Variants in ULK4 observed in about 807,000 individuals in gnomAD.
ULK4 encodes the protein unc-51 like kinase 4.
In ULK4, 133 loss-of-function variants were observed where a neutral mutation model predicts 160.6. That is an observed-to-expected ratio of 0.83 (90% CI 0.72 to 0.96). The LOEUF (loss-of-function observed/expected upper bound fraction) is 0.96. Among genes scored for constraint, ULK4 ranks in the 40% least tolerant of loss-of-function variants. The pLI is 0.00. For missense variants in ULK4, 1,580 were observed against 1,499.5 expected, an observed-to-expected ratio of 1.05 and a Z score of -0.89; for synonymous variants, 534 against 539.8, an observed-to-expected ratio of 0.99 and a Z score of 0.15.
intron 17 of ULK4, among the ~76,000 whole-genome samples, chr3:41,843,609 C>G (rs1039952969): frequency 2.0e-5 from 3 of 152,070 alleles, no homozygotes; most frequent in African/African-American, 7.2e-5. Context: ...CCTGGTCTCC[C>G]TGGCTTCAGG....
At chr3:41,256,533 A>G (rs918704086) in intron 35 of ULK4, among the ~76,000 whole-genome samples, 1 of 152,244 alleles carries the variant, frequency 6.6e-6, no homozygotes, top group Non-Finnish European at 1.5e-5. Flanking sequence ...GGATGCGCAT[A>G]TGCATAAACA....
intron 22 of ULK4, among the ~76,000 whole-genome samples, chr3:41,735,641 C>G (rs1377876443): frequency 6.6e-6 from 1 of 151,644 alleles, no homozygotes; most frequent in African/African-American, 2.4e-5. Context: ...TACAGAGAGT[C>G]AAAACACTAC....
chr3:41,316,934 G>C (rs189300289), intron 35 of ULK4, among the ~76,000 whole-genome samples: 48 of 151,482 alleles, frequency 3.2e-4, no homozygotes, highest in African/African-American at 1.0e-3. Flanking sequence ...CTAGACTTTT[G>C]CTCTCTATTC....
chr3:41,620,336 T>C (rs1356860481), intron 30 of ULK4, among the ~76,000 whole-genome samples: 2 of 152,080 alleles, frequency 1.3e-5, no homozygotes, highest in East Asian at 1.9e-4. Flanking sequence ...CAGGTCAATA[T>C]CCCTGATGAA....
intron 12 of ULK4, among the ~76,000 whole-genome samples, chr3:41,906,755 G>A (rs1003477892): frequency 9.2e-5 from 14 of 152,204 alleles, no homozygotes; most frequent in African/African-American, 3.4e-4. Context: ...AGCACTATGG[G>A]AGGCCGAGGC....
At chr3:41,576,613 C>T (rs2088197527) in intron 31 of ULK4, among the ~76,000 whole-genome samples, 1 of 152,170 alleles carries the variant, frequency 6.6e-6, no homozygotes, top group East Asian at 1.9e-4. Context: ...AATTGATAAA[C>T]ATTTATTGAG....
chr3:41,786,826 T>C (rs1275253060), intron 21 of ULK4, among the ~76,000 whole-genome samples: 1 of 151,796 alleles, frequency 6.6e-6, no homozygotes, highest in Non-Finnish European at 1.5e-5. Context: ...AAAACAAATA[T>C]AAGATGACAG....
chr3:41,423,490 G>A (rs1247704245), intron 34 of ULK4, among the ~76,000 whole-genome samples: 1 of 152,084 alleles, frequency 6.6e-6, no homozygotes, highest in Non-Finnish European at 1.5e-5. Context: ...TAATAATAGA[G>A]CATCGTGGTT....
chr3:41,893,816 A>G (rs2148783837), intron 16 of ULK4, among the ~76,000 whole-genome samples: 1 of 152,288 alleles, frequency 6.6e-6, no homozygotes, highest in East Asian at 1.9e-4. Flanking sequence ...AATTTTTTAT[A>G]TACAAAACAA....
intron 31 of ULK4, among the ~76,000 whole-genome samples, chr3:41,609,089 C>T (rs2032528563): frequency 6.6e-6 from 1 of 152,078 alleles, no homozygotes; most frequent in Admixed American, 6.6e-5. Context: ...ACATGTAACA[C>T]ATTCTTAATA....
chr3:41,610,062 G>C (rs996925820), intron 31 of ULK4, among the ~76,000 whole-genome samples: 5 of 150,940 alleles, frequency 3.3e-5, no homozygotes, highest in African/African-American at 1.2e-4. Flanking sequence ...TGTCACCCAG[G>C]CTGGAATGCA....
intron 30 of ULK4, among the ~76,000 whole-genome samples, chr3:41,642,493 T>C (rs2034262125): frequency 6.6e-6 from 1 of 152,178 alleles, no homozygotes; most frequent in Admixed American, 6.5e-5. Flanking sequence ...TCCAATTTCA[T>C]CCATGTCCCT....
chr3:41,484,287 C>T (rs9834867), intron 32 of ULK4, among the ~76,000 whole-genome samples: 67,560 of 151,538 alleles, frequency 0.45, 15,628 homozygotes, highest in African/African-American at 0.56. Flanking sequence ...CTATATTTAC[C>T]ATATTGTTTT....
At chr3:41,721,279 T>TTTTTTTTTTTTTTTTTTTTTTTGG (rs67078043) in intron 22 of ULK4, among the ~76,000 whole-genome samples, 1 of 98,920 alleles carries the variant, frequency 1.0e-5, no homozygotes, top group African/African-American at 4.4e-5. Flanking sequence ...TTTTTTTTTT[T>TTTTTTTTTTTTTTTTTTTTTTTGG]TTTTTGGGTT....
At chr3:41,555,301 A>G (rs1795371) in intron 32 of ULK4, among the ~76,000 whole-genome samples, 76,382 of 150,208 alleles carry the variant, frequency 0.51, 19,566 homozygotes, top group Middle Eastern at 0.57. Context: ...GCATCTATAA[A>G]GAACTTAAAC....
chr3:41,300,837 T>TTA (rs66602936), intron 35 of ULK4, among the ~76,000 whole-genome samples: 1,163 of 57,372 alleles, frequency 0.02, 37 homozygotes, highest in Non-Finnish European at 0.03. Context: ...ATTTTACAGA[T>TTA]TATATATATA....
intron 32 of ULK4, among the ~76,000 whole-genome samples, chr3:41,559,788 G>A (rs919397082): frequency 4.6e-5 from 7 of 152,016 alleles, no homozygotes; most frequent in African/African-American, 1.7e-4. Context: ...TTGTCAGATG[G>A]GTAGACTGCA....
chr3:41,775,197 T>C (rs929874708), intron 21 of ULK4, among the ~76,000 whole-genome samples: 13 of 150,250 alleles, frequency 8.7e-5, no homozygotes, highest in African/African-American at 3.3e-4. Context: ...GTTGTGCACA[T>C]GTACCCTAAA....
At chr3:41,842,039 C>A (rs1050586812) in intron 17 of ULK4, among the ~76,000 whole-genome samples, 1 of 151,838 alleles carries the variant, frequency 6.6e-6, no homozygotes, top group Non-Finnish European at 1.5e-5. Flanking sequence ...AAACCAGAGA[C>A]CTTTGTTCAC....
Sources: allele counts gnomAD v4.1 joint callset (sites outside exome capture counted in the v4.1 genomes callset), GRCh38; gene constraint gnomAD v4.1.1; transcripts MANE v1.5; gene names NCBI Gene and HGNC (gene_info 2026-07-23, HGNC 2026-07-21).